The following COL21A1 variants were observed in gnomAD, a reference collection of about 807,000 sequenced individuals.
COL21A1 encodes the protein collagen type XXI alpha 1 chain.
A neutral mutation model predicts 137.9 loss-of-function variants in COL21A1; 149 were observed. The ratio of observed to expected loss-of-function variants is 1.08; its 90% CI spans 0.95 to 1.24. COL21A1 has a LOEUF of 1.24. COL21A1 is among the 50% of genes most tolerant of loss of function. The pLI, the probability that COL21A1 is intolerant of heterozygous loss-of-function variation, is 0.00. For synonymous variants in COL21A1, 456 were observed against 391.5 expected (o/e 1.16, Z -1.95); for missense variants, 1,167 against 1,158.4 (o/e 1.01, Z -0.11).
chr6:56,141,119 G>A (rs1381529297), intron 12 of COL21A1, among the ~76,000 whole-genome samples: 1 of 152,144 alleles, frequency 6.6e-6, no homozygotes, highest in Non-Finnish European at 1.5e-5. Context: ...AAATCAGTAT[G>A]TTGGGGAGAT....
Position 56,059,246 on chromosome 6 carries a change from C to T in COL21A1, c.2609-4G>A, listed in dbSNP as rs768054358. On this transcript the variant is annotated splice_polypyrimidine_tract_variant and splice_region_variant and intron_variant, in intron 28 of 29. Transcript: ENST00000244728. ...TCCCCATTTCTTCCTGGTAGGCCTGCAGGGTGTCAAACATCTGAGTAAGTT... is the reference window on the plus strand; with the variant it reads ...TCCCCATTTCTTCCTGGTAGGCCTGTAGGGTGTCAAACATCTGAGTAAGTT... 2.4e-5 allele frequency: 38 copies of T among 1,592,374 alleles called. No homozygotes were observed. Among genetic ancestry groups the T allele is most frequent in the Non-Finnish European group, 1.8e-5 (21 of 1,172,564 alleles).
At position 56,158,266 on chromosome 6, in the gene COL21A1, C is replaced by CTTTTTTTTTTTTTT. The variant is rs67453245; in HGVS notation, c.1372-1331_1372-1318dup. On this transcript the variant is annotated intron_variant, in intron 9 of 29. Transcript: ENST00000244728. ...CGTGGGTTTTTTCTTTTTTTTTTTT[C>CTTTTTTTTTTTTTT]TTTTTTTTTTTTTTTTTTTTTTCTG... 9.5e-3 allele frequency among the ~76,000 whole-genome samples: 593 copies of CTTTTTTTTTTTTTT among 62,444 alleles called. 4 individuals carry two copies. Among genetic ancestry groups the CTTTTTTTTTTTTTT allele is most frequent in the African/African-American group, 0.015 (235 of 15,244 alleles). 41.0% of individuals were successfully genotyped at this position (62,444 alleles called of 152,430 possible).
At chr6:56,154,811 C>A (rs998372678) in intron 10 of COL21A1, among the ~76,000 whole-genome samples, 1 of 152,192 alleles carries the variant, frequency 6.6e-6, no homozygotes, top group African/African-American at 2.4e-5. Context: ...GCCCCAACAA[C>A]CACACAACAT....
Position 56,168,178 on chromosome 6 carries a change from C to G in COL21A1, c.1146G>C (p.Leu382Phe). The change falls in exon 6 of 30, where the codon TTG becomes TTC. Residue 382 changes from leucine to phenylalanine, a missense_variant. Coordinates refer to ENST00000244728, the MANE Select transcript of COL21A1 (RefSeq NM_030820.4). ...NKPLHPVLGILINGQTQIGKY... is the reference protein window; with the variant it reads ...NKPLHPVLGIFINGQTQIGKY... ...TTCCAATTTGGGTTTGCCCATTGAT[C>G]AAGATCCCTAAAACTGGATGTAAGG... is the stretch of plus-strand genomic sequence containing the variant. The G allele has an allele frequency of 5.8e-6, 9 of 1,552,894 alleles. No individual in the cohort carries two copies. The highest frequency in any genetic ancestry group is 7.9e-6 in the Non-Finnish European group (9 of 1,145,750).
intron 1 of COL21A1, among the ~76,000 whole-genome samples, chr6:56,195,059 C>A (rs1040211454): frequency 6.6e-6 from 1 of 152,282 alleles, no homozygotes; most frequent in African/African-American, 2.4e-5. Context: ...AGTCCCCTCA[C>A]CATGTGATGC....
chr6:56,381,703 T>C (rs1274091299), intron 1 of COL21A1, among the ~76,000 whole-genome samples: 1 of 152,234 alleles, frequency 6.6e-6, no homozygotes, highest in East Asian at 1.9e-4. Flanking sequence ...CAAGTTTGAC[T>C]GGGAGCATCC....
rs147394600 is a variant in COL21A1, at chr6:56,182,602, G to A, written c.17C>T (p.Thr6Ile). Residue 6 changes from threonine to isoleucine, a missense_variant, in exon 2 of 30, where the codon ACA becomes ATA. Transcript: ENST00000244728. ...CAGCACCAAAACCATGCAGAGAAAT[G>A]TAATATAGTGAGCCATGTTTCTGTT... MAHYI[T>I]FLCMVLVLLL... is the part of the protein sequence containing the mutation. The A allele has an allele frequency of 7.5e-4, 1,209 of 1,602,178 alleles. 13 individuals carry two copies. The African/African-American group carries it at 0.013, about 17-fold the overall frequency.
intron 1 of COL21A1, among the ~76,000 whole-genome samples, chr6:56,262,315 A>T (rs577916178): frequency 3.8e-4 from 58 of 152,300 alleles, no homozygotes; most frequent in African/African-American, 1.4e-3. Flanking sequence ...TTCCCACAAT[A>T]ACAGTAGCTA....
intron 1 of COL21A1, among the ~76,000 whole-genome samples, chr6:56,237,147 G>C (rs1781958787): frequency 7.1e-6 from 1 of 141,794 alleles, no homozygotes. Context: ...AGGAAAAAAA[G>C]CCAAATTTTA....
chr6:56,234,024 A>G (rs1781750160), intron 1 of COL21A1, among the ~76,000 whole-genome samples: 1 of 151,846 alleles, frequency 6.6e-6, no homozygotes, highest in Admixed American at 6.6e-5. Flanking sequence ...GACTGGTAGA[A>G]AAGGAAAATA....
chr6:56,344,824 C>A (rs1747210126), intron 1 of COL21A1, among the ~76,000 whole-genome samples: 1 of 150,794 alleles, frequency 6.6e-6, no homozygotes, highest in South Asian at 2.1e-4. Context: ...CCTGCTTCAG[C>A]TATGTAGGAC....
At chr6:56,130,165 TTATATATATATATATATATATATATA>T (rs201644225) in intron 12 of COL21A1, among the ~76,000 whole-genome samples, 9,297 of 107,924 alleles carry the variant, frequency 0.086, 588 homozygotes, top group Admixed American at 0.15. Flanking sequence ...TGACAGGGTT[TTATATATATATATATATATATATATA>T]TATATATATA....
chr6:56,109,333 A>G (rs1771218357), intron 16 of COL21A1, among the ~76,000 whole-genome samples: 1 of 151,832 alleles, frequency 6.6e-6, no homozygotes, highest in Non-Finnish European at 1.5e-5. Context: ...GAGTGAAAGC[A>G]TATGTATTCA....
At chr6:56,116,677 T>C (rs1480857356) in intron 16 of COL21A1, among the ~76,000 whole-genome samples, 1 of 152,006 alleles carries the variant, frequency 6.6e-6, no homozygotes, top group East Asian at 1.9e-4. Context: ...TACTGTGGTG[T>C]GTAAATTCCT....
At chr6:56,125,539 A>C (rs765541320) in intron 14 of COL21A1, 28 bp downstream of exon 14, 1 of 1,527,034 alleles carries the variant, frequency 6.5e-7, no homozygotes, top group Admixed American at 1.8e-5. Flanking sequence ...GTTCAATATG[A>C]ATACTTTGTT....
At chr6:56,068,298 A>C (rs925647790) in intron 22 of COL21A1, among the ~76,000 whole-genome samples, 14 of 151,616 alleles carry the variant, frequency 9.2e-5, no homozygotes, top group Non-Finnish European at 1.5e-4. Flanking sequence ...ATGGAGACAT[A>C]AGAGTTTGTG....
At chr6:56,229,574 A>G (rs78997577) in intron 1 of COL21A1, among the ~76,000 whole-genome samples, 3,343 of 151,996 alleles carry the variant, frequency 0.022, 122 homozygotes, top group African/African-American at 0.076. Context: ...TTATAACAAC[A>G]AACATTTATT....
At chr6:56,060,866 A>C in intron 26 of COL21A1, 25 bp downstream of exon 26, 1 of 1,584,778 alleles carries the variant, frequency 6.3e-7, no homozygotes, top group Non-Finnish European at 8.5e-7. Flanking sequence ...AAATGTAATA[A>C]CTGTGAAAGA....
chr6:56,240,279 C>T (rs1021140824), intron 1 of COL21A1, among the ~76,000 whole-genome samples: 2 of 152,014 alleles, frequency 1.3e-5, no homozygotes, highest in Admixed American at 6.6e-5. Flanking sequence ...GCTGGCTTTC[C>T]CTTAGTCTTC....
Sources: gnomAD v4.1 joint callset for allele counts (sites outside exome capture counted in the v4.1 genomes callset) on GRCh38, gnomAD v4.1.1 for gene constraint, MANE v1.5 for transcripts, NCBI Gene and HGNC (gene_info 2026-07-23, HGNC 2026-07-21) for gene names.